Variants in FAR2 observed in about 807,000 individuals in gnomAD.
FAR2 encodes the protein fatty acyl-CoA reductase 2.
In FAR2, 19 loss-of-function variants were observed where a neutral mutation model predicts 56.0. The observed-to-expected ratio is 0.34, with a 90% confidence interval of 0.24 to 0.50. The LOEUF is 0.50. Ranked by LOEUF, FAR2 falls within the 20% of genes least tolerant of loss-of-function variation. The pLI is 0.98. For synonymous variants in FAR2, 219 were observed against 218.8 expected, an observed-to-expected ratio of 1.00 and a Z score of -0.01; for missense variants, 508 against 642.2, an observed-to-expected ratio of 0.79 and a Z score of 2.26.
At chr12:29,256,494 C>T (rs752274790) in intron 1 of FAR2, among the ~76,000 whole-genome samples, 1 of 152,232 alleles carries the variant, frequency 6.6e-6, no homozygotes, top group African/African-American at 2.4e-5. Context: ...GTCCTCACAG[C>T]CCTCGCTCAC....
intron 1 of FAR2, among the ~76,000 whole-genome samples, chr12:29,205,212 T>TGCA (rs1947465619): frequency 6.6e-6 from 1 of 152,228 alleles, no homozygotes; most frequent in Non-Finnish European, 1.5e-5. Context: ...AGTTTATGCA[T>TGCA]TTTACTGTGT....
chr12:29,311,307 A>G (rs1949347562), intron 7 of FAR2, among the ~76,000 whole-genome samples, 161 bp downstream of exon 7: 1 of 152,176 alleles, frequency 6.6e-6, no homozygotes, highest in South Asian at 2.1e-4. Flanking sequence ...TCATATATGC[A>G]TTGAGTTGTT....
At chr12:29,239,579 C>T (rs914810140) in intron 1 of FAR2, among the ~76,000 whole-genome samples, 1 of 151,850 alleles carries the variant, frequency 6.6e-6, no homozygotes, top group African/African-American at 2.4e-5. Context: ...AGACTACCCA[C>T]GTGGGAAGAG....
chr12:29,315,925 A>G (rs1949441249), intron 8 of FAR2, among the ~76,000 whole-genome samples: 1 of 152,198 alleles, frequency 6.6e-6, no homozygotes, highest in African/African-American at 2.4e-5. Flanking sequence ...TCAGAATGTC[A>G]GTGTTGAGAT....
chr12:29,291,302 G>A (rs1948962466), intron 2 of FAR2: 1 of 440,410 alleles, frequency 2.3e-6, no homozygotes, highest in Non-Finnish European at 4.6e-6. Context: ...ACCTGCAGAG[G>A]CGGTTAAGAA....
Position 29,277,513 on chromosome 12 carries a change from A to T in FAR2, c.189+6875A>T, listed in dbSNP as rs779231857. 7 of 152,356 alleles carry T rather than the reference A, an allele frequency of 4.6e-5. No homozygotes were observed. The South Asian group carries it at 8.3e-4, about 18-fold the overall frequency. The allele number at this position is 152,356 out of a possible 1,614,324, so 9.4% of individuals were successfully genotyped here. The stretch of plus-strand genomic sequence containing the variant: ...AACAGGCATGGAATTGGCCTCACAG[A>T]TCTTAAAGTCCAGTGAGGCAAACGA... On this transcript the variant is annotated intron_variant, in intron 2 of 11. Coordinates refer to ENST00000536681, the MANE Select transcript of FAR2 (RefSeq NM_001271783.2).
chr12:29,168,450 A>G (rs747002939), intron 1 of FAR2, among the ~76,000 whole-genome samples: 1 of 152,224 alleles, frequency 6.6e-6, no homozygotes, highest in Non-Finnish European at 1.5e-5. Flanking sequence ...GCTCATTTCT[A>G]AAGAACAGGC....
chr12:29,232,510 G>C (rs767202042), intron 1 of FAR2, among the ~76,000 whole-genome samples: 37 of 151,916 alleles, frequency 2.4e-4, no homozygotes, highest in Non-Finnish European at 4.6e-4. Context: ...ACTGAAAATT[G>C]ACTATCCATT....
chr12:29,245,802 C>G (rs2136670012), intron 1 of FAR2, among the ~76,000 whole-genome samples: 1 of 152,236 alleles, frequency 6.6e-6, no homozygotes, highest in South Asian at 2.1e-4. Flanking sequence ...ATTTCTACAG[C>G]CATACTTTGC....
intron 1 of FAR2, among the ~76,000 whole-genome samples, chr12:29,262,922 T>C (rs1565494298): frequency 6.6e-6 from 1 of 152,016 alleles, no homozygotes; most frequent in South Asian, 2.1e-4. Flanking sequence ...CCTATAAAGA[T>C]ACACATAAAC....
At chr12:29,254,091 T>G (rs1287869689) in intron 1 of FAR2, among the ~76,000 whole-genome samples, 1 of 152,132 alleles carries the variant, frequency 6.6e-6, no homozygotes, top group East Asian at 1.9e-4. Flanking sequence ...TCCAAATTGG[T>G]TTTTCTTGAC....
intron 4 of FAR2, among the ~76,000 whole-genome samples, chr12:29,303,873 G>A (rs367997067): frequency 6.6e-6 from 1 of 152,174 alleles, no homozygotes; most frequent in East Asian, 1.9e-4. Flanking sequence ...AGATTAAATT[G>A]TTTCTTAACC....
chr12:29,310,754 G>C (rs1949333828), intron 6 of FAR2, among the ~76,000 whole-genome samples: 2 of 152,104 alleles, frequency 1.3e-5, no homozygotes, highest in African/African-American at 4.8e-5. Context: ...TGTTAATTGA[G>C]TTTATTAACC....
chr12:29,271,414 A>T (rs1430411456), intron 2 of FAR2, among the ~76,000 whole-genome samples: 1 of 152,252 alleles, frequency 6.6e-6, no homozygotes. Flanking sequence ...AATAAAAACA[A>T]CAACTAATTT....
intron 5 of FAR2, 146 bp from the exon 6 acceptor site, chr12:29,309,040 A>C (rs2136785287): frequency 1.5e-6 from 1 of 670,998 alleles, no homozygotes; most frequent in East Asian, 2.7e-5. Context: ...TTATCTTTTG[A>C]GATCTTAATA....
rs1949765458 is a variant in FAR2 at position 29,333,882 on chromosome 12, G to GA, written c.*90dup. The GA allele has an allele frequency of 2.4e-6, 3 of 1,253,678 alleles. No individual in the cohort carries two copies. The East Asian group carries it at 7.0e-5, about 29-fold the overall frequency. The allele number at this position is 1,253,678 out of a possible 1,614,324, so 77.7% of individuals were successfully genotyped here. On this transcript the variant is annotated 3_prime_UTR_variant, in exon 12 of 12. Transcript: ENST00000536681. ...ATTCTCAAGATTAGAAAGTAACAAG[G>GA]AATATGCCCAAACTGTCAAATGTCA...
Position 29,332,795 on chromosome 12 carries a change from C to T in FAR2, c.1385+68C>T, listed in dbSNP as rs752223167. 7 of 1,421,538 alleles carry T rather than the reference C, an allele frequency of 4.9e-6. No homozygotes were observed. The East Asian group carries it at 7.3e-5, about 15-fold the overall frequency. 88.1% of individuals were successfully genotyped at this position (1,421,538 alleles called of 1,614,324 possible). On this transcript the variant is annotated intron_variant, in intron 11 of 11. Transcript: ENST00000536681. The stretch of plus-strand genomic sequence containing the variant: ...TGCATCGACTTTATACCAGACATAA[C>T]ATTTGTGCAGAGGAGAATGAACATT...
At chr12:29,303,964 G>A (rs530373036) in intron 4 of FAR2, among the ~76,000 whole-genome samples, 7 of 152,294 alleles carry the variant, frequency 4.6e-5, no homozygotes, top group African/African-American at 7.2e-5. Context: ...TAGGTGCTCC[G>A]TAAAAGTCTT....
chr12:29,214,268 C>T (rs568078632), intron 1 of FAR2, among the ~76,000 whole-genome samples: 1 of 152,182 alleles, frequency 6.6e-6, no homozygotes, highest in South Asian at 2.1e-4. Flanking sequence ...TTTTCCTAAC[C>T]AGACTTCAGG....
Sources: gnomAD v4.1 joint callset for allele counts (sites outside exome capture counted in the v4.1 genomes callset) on GRCh38, gnomAD v4.1.1 for gene constraint, MANE v1.5 for transcripts, NCBI Gene and HGNC (gene_info 2026-07-23, HGNC 2026-07-21) for gene names.